BPTF: variants seen among roughly 807,000 people sequenced by gnomAD.
BPTF encodes the protein bromodomain PHD finger transcription factor, also known as nucleosome-remodeling factor subunit BPTF.
A neutral mutation model predicts 292.5 loss-of-function variants in BPTF; 18 were observed. The ratio of observed to expected loss-of-function variants is 0.06; its 90% CI spans 0.04 to 0.09. The LOEUF is 0.09. Among genes scored for constraint, BPTF ranks in the 10% least tolerant of loss-of-function variants. The pLI, the probability that BPTF is intolerant of heterozygous loss-of-function variation, is 1.00. For synonymous variants in BPTF, 1,225 were observed against 1,251.9 expected (o/e 0.98, Z 0.45); for missense variants, 2,726 against 3,498.7 (o/e 0.78, Z 5.57).
chr17:67,857,995 C>T (rs1350692167), intron 2 of BPTF, among the ~76,000 whole-genome samples: 4 of 151,128 alleles, frequency 2.6e-5, no homozygotes, highest in Non-Finnish European at 4.4e-5. Flanking sequence ...ACCATATTGG[C>T]CAGGCTGGTC....
At chr17:67,906,559 G>A (rs2062214050) in intron 9 of BPTF, among the ~76,000 whole-genome samples, 1 of 152,166 alleles carries the variant, frequency 6.6e-6, no homozygotes, top group Non-Finnish European at 1.5e-5. Flanking sequence ...TATGCACAGA[G>A]TGATAGAACG....
rs369428261 is a variant in BPTF at position 67,948,220 on chromosome 17, C to T, written c.7840C>T (p.Leu2614=). The T allele has an allele frequency of 7.4e-6, 12 of 1,614,028 alleles. No individual in the cohort carries two copies. Among genetic ancestry groups the T allele is most frequent in the African/African-American group, 2.7e-5 (2 of 74,916 alleles). ...GCAGAATGCCACTAAGCTGTCAGCT[C>T]TGCTCTTCAAGCACAAAGAGCAGCT... ...SKQNATKLSA[L]LFKHKEQLRA... is the part of the protein sequence containing the mutation. Residue 2614 remains leucine, a synonymous_variant, in exon 23 of 28, where the codon CTG becomes TTG. Transcript: ENST00000306378.
At position 67,825,916 on chromosome 17, in the gene BPTF, G is replaced by A. The variant is rs1335200387; in HGVS notation, c.192G>A (p.Leu64=). 4.9e-6 allele frequency: 5 copies of A among 1,015,504 alleles called. No individual in the cohort carries two copies. The highest frequency in any genetic ancestry group is 5.9e-6 in the Non-Finnish European group (5 of 851,474). 62.9% of individuals were successfully genotyped at this position (1,015,504 alleles called of 1,614,324 possible). A position where few individuals can be genotyped will look rare whatever the true frequency, so the allele number is the denominator to read the frequency against. ...AQAEVAPKTR[L]SSPRGGSSSR... The stretch of plus-strand genomic sequence containing the variant: ...CTGAGGTGGCGCCCAAGACGCGGCT[G>A]AGCTCGCCCAGGGGGGGCAGCAGTA... The change falls in exon 1 of 28, where the codon CTG becomes CTA. Residue 64 remains leucine, a synonymous_variant. Transcript: ENST00000306378.
At chr17:67,916,780 A>AAAAG (rs1452054330) in intron 11 of BPTF, among the ~76,000 whole-genome samples, 3 of 151,520 alleles carry the variant, frequency 2.0e-5, no homozygotes, top group African/African-American at 7.3e-5. Flanking sequence ...AAAAAAAAAA[A>AAAAG]AAAAAGAAAG....
At chr17:67,968,175 A>AC (rs1442035444) in intron 26 of BPTF, among the ~76,000 whole-genome samples, 4 of 151,528 alleles carry the variant, frequency 2.6e-5, no homozygotes, top group Admixed American at 6.6e-5. Flanking sequence ...AGGATCACTT[A>AC]CCACTAATGA....
intron 4 of BPTF, among the ~76,000 whole-genome samples, chr17:67,881,187 A>G (rs2060378711): frequency 6.6e-6 from 1 of 152,124 alleles, no homozygotes; most frequent in South Asian, 2.1e-4. Context: ...GATCAGAAAC[A>G]TTTTGTGTGG....
chr17:67,873,957 C>T (rs12602912), intron 3 of BPTF, among the ~76,000 whole-genome samples: 30,978 of 151,172 alleles, frequency 0.2, 3,973 homozygotes, highest in East Asian at 0.66. Context: ...AAGGTGAGCC[C>T]GGAGCATCTT....
intron 2 of BPTF, among the ~76,000 whole-genome samples, chr17:67,864,967 G>C (rs1259264501): frequency 6.6e-6 from 1 of 152,056 alleles, no homozygotes; most frequent in African/African-American, 2.4e-5. Flanking sequence ...ACCATGCCCG[G>C]CTAATTTTTT....
At chr17:67,879,661 C>T (rs936533623) in intron 4 of BPTF, among the ~76,000 whole-genome samples, 4 of 152,240 alleles carry the variant, frequency 2.6e-5, no homozygotes, top group South Asian at 2.1e-4. Context: ...ATGGTACTGA[C>T]ATCTGCATCT....
At chr17:67,894,750 A>G (rs1291171687) in intron 7 of BPTF, among the ~76,000 whole-genome samples, 1 of 152,124 alleles carries the variant, frequency 6.6e-6, no homozygotes, top group Admixed American at 6.6e-5. Flanking sequence ...GAGCACTCAC[A>G]TTTTTTAGTA....
intron 13 of BPTF, 128 bp from the exon 14 acceptor site, chr17:67,922,712 G>A: frequency 1.0e-6 from 1 of 971,552 alleles, no homozygotes; most frequent in South Asian, 1.8e-5. Context: ...GCACAGCTGA[G>A]TAGCTGCAGC....
At position 67,912,120 on chromosome 17, in the gene BPTF, T is replaced by C; in HGVS notation, c.4236T>C (p.Asn1412=). The C allele has an allele frequency of 6.2e-7, 1 of 1,609,352 alleles. No individual in the cohort carries two copies. The highest frequency in any genetic ancestry group is 8.5e-7 in the Non-Finnish European group (1 of 1,178,538). ...CATTTCAAATAAATGGAAAAGATAA[T>C]AAACCCAAAATATATTTGAAAGGTG... ...TSTFQINGKD[N]KPKIYLKGEC... The change falls in exon 11 of 28, where the codon AAT becomes AAC. Residue 1412 remains asparagine, a synonymous_variant. Coordinates refer to ENST00000306378, the MANE Select transcript of BPTF (RefSeq NM_182641.4).
At chr17:67,933,529 A>G (rs771917318) in intron 18 of BPTF, among the ~76,000 whole-genome samples, 3 of 152,118 alleles carry the variant, frequency 2.0e-5, no homozygotes, top group African/African-American at 7.2e-5. Context: ...TGCTCATGCT[A>G]CTGCACTCCA....
rs780141003 is a variant in BPTF, at chr17:67,891,897, G to T, written c.1918G>T (p.Ala640Ser). The T allele has an allele frequency of 4.3e-6, 7 of 1,611,744 alleles. No individual in the cohort carries two copies. The highest frequency in any genetic ancestry group is 5.9e-6 in the Non-Finnish European group (7 of 1,179,162). Residue 640 changes from alanine to serine, a missense_variant, in exon 5 of 28, where the codon GCT (alanine) becomes TCT (serine). Coordinates refer to ENST00000306378, the MANE Select transcript of BPTF (RefSeq NM_182641.4). Reference sequence around the variant, plus strand: ...CGGGGAGCTAAGTGAATCTCCTGGAGCTGGAAAAGGAGCATCTGGCTCAAC... The same window carrying T: ...CGGGGAGCTAAGTGAATCTCCTGGATCTGGAAAAGGAGCATCTGGCTCAAC... The part of the protein sequence containing the change: ...SNGELSESPG[A>S]GKGASGSTRI...
intron 19 of BPTF, 78 bp from the exon 20 acceptor site, chr17:67,944,072 T>TA: frequency 9.3e-7 from 1 of 1,075,200 alleles, no homozygotes; most frequent in Middle Eastern, 2.1e-4. Flanking sequence ...TAATTACACA[T>TA]AAAAATGATT....
chr17:67,866,775 A>G, intron 3 of BPTF, 88 bp downstream of exon 3: 1 of 1,062,158 alleles, frequency 9.4e-7, no homozygotes, highest in East Asian at 2.5e-5. Context: ...AAATAGATTA[A>G]AATTTTCAAG....
chr17:67,931,228 G>A (rs949961625), intron 17 of BPTF, among the ~76,000 whole-genome samples: 1 of 152,110 alleles, frequency 6.6e-6, no homozygotes, highest in East Asian at 1.9e-4. Context: ...TTGTGCCACT[G>A]TACTCCAGCC....
intron 9 of BPTF, among the ~76,000 whole-genome samples, chr17:67,908,779 C>G (rs1359396395): frequency 6.6e-6 from 1 of 151,066 alleles, no homozygotes; most frequent in Admixed American, 6.6e-5. Flanking sequence ...GCATAAGCCA[C>G]TACACCCATC....
At chr17:67,968,740 A>T (rs2068414653) in intron 26 of BPTF, among the ~76,000 whole-genome samples, 1 of 150,024 alleles carries the variant, frequency 6.7e-6, no homozygotes, top group Non-Finnish European at 1.5e-5. Flanking sequence ...GTGAGCCAAG[A>T]TTGTGCCACT....
Sources: gnomAD v4.1 joint callset for allele counts (sites outside exome capture counted in the v4.1 genomes callset) on GRCh38, gnomAD v4.1.1 for gene constraint, MANE v1.5 for transcripts, NCBI Gene and HGNC (gene_info 2026-07-23, HGNC 2026-07-21) for gene names.